Variants in PIN4 observed in about 807,000 individuals in gnomAD.
PIN4 encodes peptidylprolyl cis/trans isomerase, NIMA-interacting 4, also known as peptidyl-prolyl cis-trans isomerase NIMA-interacting 4.
A neutral mutation model predicts 8.3 loss-of-function variants in PIN4; 3 were observed. That is an observed-to-expected ratio of 0.36 (90% CI 0.16 to 0.93). The LOEUF is 0.93. Ranked by LOEUF, PIN4 falls within the 40% of genes least tolerant of loss-of-function variation. The pLI, the probability that PIN4 is intolerant of heterozygous loss-of-function variation, is 0.44. For missense variants in PIN4, 75 were observed against 100.6 expected, an observed-to-expected ratio of 0.75 and a Z score of 1.09; for synonymous variants, 18 against 32.5, an observed-to-expected ratio of 0.55 and a Z score of 1.52.
rs144228489 is a variant in PIN4 at position 72,209,057 on chromosome X, C to A, written c.312+12153C>A. ...ATGGAAACATGGGAACCTCTCTGGC[C>A]TTATTTTACTGGACCTCCATTTAAC... On this transcript the variant is annotated intron_variant, in intron 3 of 3. Transcript: ENST00000423432. Among the ~76,000 whole-genome samples, 1,012 of 111,339 alleles carry A rather than the reference C, an allele frequency of 9.1e-3. 10 individuals carry two copies. Among genetic ancestry groups the A allele is most frequent in the African/African-American group, 0.031 (948 of 30,618 alleles).
At chrX:72,218,256 C>T (rs1344328296) in intron 3 of PIN4, among the ~76,000 whole-genome samples, 2 of 99,410 alleles carry the variant, frequency 2.0e-5, no homozygotes, top group Admixed American at 2.2e-4. Context: ...GGCGACAGAG[C>T]GAGACTCTGT....
intron 3 of PIN4, among the ~76,000 whole-genome samples, chrX:72,254,733 T>C (rs1159670545): frequency 3.6e-5 from 4 of 112,585 alleles, no homozygotes; most frequent in South Asian, 3.6e-4. Flanking sequence ...AACTAAGCTC[T>C]CCTTGACCTG....
intron 3 of PIN4, chrX:72,239,070 C>T: frequency 1.4e-5 from 7 of 513,715 alleles, no homozygotes; most frequent in Non-Finnish European, 2.2e-5. Flanking sequence ...CCGACGGCCT[C>T]GCGGCCGGCC....
intron 2 of PIN4, among the ~76,000 whole-genome samples, chrX:72,190,742 C>T (rs1195367799): frequency 9.1e-6 from 1 of 110,152 alleles, no homozygotes; most frequent in African/African-American, 3.3e-5. Flanking sequence ...CACCTGAGGT[C>T]AAGAGTCCAA....
intron 3 of PIN4, among the ~76,000 whole-genome samples, chrX:72,249,887 G>C (rs2043080245): frequency 9.0e-6 from 1 of 111,246 alleles, no homozygotes; most frequent in Non-Finnish European, 1.9e-5. Flanking sequence ...GCATTTTACT[G>C]TGGGTAAATT....
intron 3 of PIN4, among the ~76,000 whole-genome samples, chrX:72,216,419 A>T (rs972217586): frequency 3.6e-5 from 4 of 112,176 alleles, no homozygotes; most frequent in South Asian, 3.7e-4. Context: ...TAGGTTTTTT[A>T]AAAAAATGTG....
At position 72,261,310 on chromosome X, in the gene PIN4, A is replaced by AC. The variant is rs1352442931; in HGVS notation, c.313-1397_313-1396insC. Among the ~76,000 whole-genome samples the AC allele has an allele frequency of 1.0e-4, 11 of 108,901 alleles. No individual in the cohort carries two copies. The East Asian group carries it at 1.5e-3, about 14-fold the overall frequency. 94.6% of individuals were successfully genotyped at this position (108,901 alleles called of 115,157 possible). A position where few individuals can be genotyped will look rare whatever the true frequency, so the allele number is the denominator to read the frequency against. ...ACTCCGTCTCAGAAAAAAAAAAAAA[A>AC]AAAAACCAAAATCTGGGTGTCGACC... On this transcript the variant is annotated intron_variant, in intron 3 of 3. Transcript: ENST00000423432.
rs1219890252 is a variant in PIN4 at position 72,197,037 on chromosome X, C to G, written c.237+133C>G. The G allele has an allele frequency of 1.6e-4, 94 of 600,555 alleles. No homozygotes were observed. The East Asian group carries it at 3.5e-3, about 22-fold the overall frequency. 49.5% of individuals were successfully genotyped at this position (600,555 alleles called of 1,213,427 possible). ...CAGAAGTAGGGATCATTCCTTTGTT[C>G]AACCATTGGTTGTAGCGATATTTTG... On this transcript the variant is annotated intron_variant, in intron 3 of 3. Transcript: ENST00000373669.
At chrX:72,208,277 A>G (rs1231598772) in intron 3 of PIN4, 1 of 1,210,197 alleles carries the variant, frequency 8.3e-7, no homozygotes, top group East Asian at 3.0e-5. Flanking sequence ...CACTTGATGA[A>G]TTCTTTTACC....
At position 72,197,501 on chromosome X, in the gene PIN4, T is replaced by G. The variant is rs781205028; in HGVS notation, c.371T>G (p.Ile124Ser). Residue 124 changes from isoleucine (I) to serine (S), a missense_variant, in exon 4 of 4, where the codon ATT becomes AGT. By Grantham distance (142) the Ile-to-Ser change is moderately radical. Coordinates refer to ENST00000373669, the MANE Select transcript of PIN4 (RefSeq NM_006223.4). The stretch of plus-strand genomic sequence containing the variant: ...GTTAAGACAAAATTTGGATATCATA[T>G]TATTATGGTCGAAGGAAGAAAATAA... ...PPVKTKFGYH[I>S]IMVEGRK The G allele has an allele frequency of 8.3e-7, 1 of 1,202,544 alleles. No individual in the cohort carries two copies. The highest frequency in any genetic ancestry group is 1.7e-5 in the African/African-American group (1 of 57,200).
rs968550000 is a variant in PIN4 at position 72,241,039 on chromosome X, G to T, written c.313-21668G>T. On this transcript the variant is annotated intron_variant, in intron 3 of 3. Transcript: ENST00000423432. ...TATGGACACAAATCTGTGCCGTTTC[G>T]CTGTGTCACACTGGAAAGAAGAGGG... 2.7e-5 allele frequency among the ~76,000 whole-genome samples: 3 copies of T among 110,979 alleles called. No homozygotes were observed. In the East Asian group the frequency reaches 8.5e-4, roughly 32 times the overall value.
intron 3 of PIN4, among the ~76,000 whole-genome samples, chrX:72,233,037 C>G (rs780326238): frequency 3.1e-4 from 35 of 111,116 alleles, no homozygotes; most frequent in African/African-American, 1.0e-3. Context: ...CTATCCTGAA[C>G]GTATTACTTC....
At chrX:72,225,705 A>T (rs941573131) in intron 3 of PIN4, among the ~76,000 whole-genome samples, 1 of 110,206 alleles carries the variant, frequency 9.1e-6, no homozygotes, top group Non-Finnish European at 1.9e-5. Context: ...CCAACCACTC[A>T]CTCCCACTCC....
chrX:72,196,745 G>A (rs1298250857), intron 2 of PIN4, 40 bp from the exon 3 acceptor site: 2 of 1,159,999 alleles, frequency 1.7e-6, no homozygotes, highest in Admixed American at 2.3e-5. Flanking sequence ...GGAGTCATTT[G>A]GGTCTCCAAG....
chrX:72,182,626 C>T (rs1348156321), intron 1 of PIN4, among the ~76,000 whole-genome samples: 1 of 111,151 alleles, frequency 9.0e-6, no homozygotes, highest in Non-Finnish European at 1.9e-5. Flanking sequence ...AAGCACTGTA[C>T]TAAATGTAGT....
chrX:72,219,009 A>G (rs2147593624), intron 3 of PIN4, among the ~76,000 whole-genome samples: 1 of 112,877 alleles, frequency 8.9e-6, no homozygotes, highest in Admixed American at 9.4e-5. Context: ...TGATCCCAGC[A>G]CTTTAGGAGG....
At chrX:72,261,218 T>A (rs1322420567) in intron 3 of PIN4, among the ~76,000 whole-genome samples, 1 of 104,522 alleles carries the variant, frequency 9.6e-6, no homozygotes, top group African/African-American at 3.6e-5. Flanking sequence ...ATTTCTTGAA[T>A]CCGGGAGGCG....
intron 3 of PIN4, among the ~76,000 whole-genome samples, chrX:72,221,501 G>T (rs1384740205): frequency 1.8e-5 from 2 of 110,909 alleles, no homozygotes; most frequent in African/African-American, 6.6e-5. Context: ...CTTCTCACCA[G>T]TCCACATGGG....
intron 3 of PIN4, among the ~76,000 whole-genome samples, chrX:72,241,719 G>A (rs984278571): frequency 3.4e-4 from 38 of 111,318 alleles, no homozygotes; most frequent in African/African-American, 1.2e-3. Context: ...GGGAGGCTGA[G>A]GCAGGAGAAT....
Sources: allele counts gnomAD v4.1 joint callset (sites outside exome capture counted in the v4.1 genomes callset), GRCh38; gene constraint gnomAD v4.1.1; transcripts MANE v1.5; gene names NCBI Gene and HGNC (gene_info 2026-07-23, HGNC 2026-07-21).